CCSER1: variants seen among roughly 807,000 people sequenced by gnomAD.
CCSER1 encodes the protein serine-rich coiled-coil domain-containing protein 1.
A neutral mutation model predicts 82.0 loss-of-function variants in CCSER1; 41 were observed. That is an observed-to-expected ratio of 0.50 (90% CI 0.39 to 0.65). CCSER1 has a LOEUF of 0.65. CCSER1 is among the 30% of genes least tolerant of loss of function. CCSER1 has a pLI of 0.00. For missense variants in CCSER1, 1,119 were observed against 1,064.2 expected (o/e 1.05, Z -0.72); for synonymous variants, 414 against 383.9 (o/e 1.08, Z -0.92).
chr4:91,173,226 A>T (rs1732950796), intron 10 of CCSER1, among the ~76,000 whole-genome samples: 1 of 152,192 alleles, frequency 6.6e-6, no homozygotes, highest in Admixed American at 6.6e-5. Context: ...AATAGAGCAA[A>T]TGTTTGCCCA....
rs908951046 is a variant in CCSER1, at chr4:90,748,316, T to C, written c.2010+24325T>C. Among the ~76,000 whole-genome samples the C allele has an allele frequency of 3.1e-3, 471 of 151,350 alleles. 1 individual carries two copies. The highest frequency in any genetic ancestry group is 0.011 in the African/African-American group (436 of 41,274). ...GTTTTTTGTTCTTGCAATAGTTTAC[T>C]GAGAATGATGATTTCCAGTTTCATC... On this transcript the variant is annotated intron_variant, in intron 7 of 10. Coordinates refer to ENST00000509176, the MANE Select transcript of CCSER1 (RefSeq NM_001145065.2).
intron 5 of CCSER1, among the ~76,000 whole-genome samples, chr4:90,548,916 T>C (rs557722195): frequency 2.0e-5 from 3 of 152,146 alleles, no homozygotes; most frequent in African/African-American, 7.2e-5. Context: ...TTTCTGAGCC[T>C]TGTTCTTAGA....
At chr4:91,566,593 A>G (rs1762893439) in intron 10 of CCSER1, among the ~76,000 whole-genome samples, 1 of 152,028 alleles carries the variant, frequency 6.6e-6, no homozygotes, top group Admixed American at 6.6e-5. Flanking sequence ...TCAGGGAATC[A>G]ATTTCTTCCT....
intron 10 of CCSER1, among the ~76,000 whole-genome samples, chr4:91,484,098 C>T (rs1255558954): frequency 1.4e-5 from 2 of 146,104 alleles, no homozygotes; most frequent in African/African-American, 2.5e-5. Flanking sequence ...AAATAGTATA[C>T]ATGATTCAGT....
At chr4:90,807,217 T>C (rs1358126681) in intron 7 of CCSER1, among the ~76,000 whole-genome samples, 1 of 152,134 alleles carries the variant, frequency 6.6e-6, no homozygotes, top group Non-Finnish European at 1.5e-5. Flanking sequence ...TTATCTTACC[T>C]GCATCCTACT....
chr4:91,460,323 C>T (rs567572317), intron 10 of CCSER1, among the ~76,000 whole-genome samples: 18 of 152,100 alleles, frequency 1.2e-4, no homozygotes, highest in East Asian at 9.7e-4. Flanking sequence ...GTTGGATTTT[C>T]GGCATCCAGC....
chr4:90,666,304 A>G (rs1035526019), intron 6 of CCSER1, among the ~76,000 whole-genome samples: 2 of 152,066 alleles, frequency 1.3e-5, no homozygotes, highest in African/African-American at 2.4e-5. Flanking sequence ...CCTTTTTGCC[A>G]TGTTATGTTA....
chr4:91,367,801 G>A (rs1045012988), intron 10 of CCSER1, among the ~76,000 whole-genome samples: 1 of 151,926 alleles, frequency 6.6e-6, no homozygotes, highest in Non-Finnish European at 1.5e-5. Context: ...CATCCCATCT[G>A]TTTTTTGGTG....
rs1001926267 is a variant in CCSER1 at position 90,403,515 on chromosome 4, A to G, written c.1603+3386A>G. On this transcript the variant is annotated intron_variant, in intron 4 of 10. Transcript: ENST00000509176. Reference sequence around the variant, plus strand: ...CTCCGTCTCAAAAAAAAAAAAAAAAAAAAAAGAAAAAAGACCTCAGATTAT... The same window carrying G: ...CTCCGTCTCAAAAAAAAAAAAAAAAGAAAAAGAAAAAAGACCTCAGATTAT... Among the ~76,000 whole-genome samples, 13 of 150,500 alleles carry G rather than the reference A, an allele frequency of 8.6e-5. No individual in the cohort carries two copies. In the South Asian group the frequency reaches 1.0e-3, roughly 12 times the overall value.
chr4:91,110,113 TATC>T (rs1453089808), intron 10 of CCSER1, among the ~76,000 whole-genome samples: 8 of 152,074 alleles, frequency 5.3e-5, no homozygotes, highest in Non-Finnish European at 1.0e-4. Flanking sequence ...TGCCAAACCA[TATC>T]ATCAGTGTTG....
intron 8 of CCSER1, among the ~76,000 whole-genome samples, chr4:90,918,551 C>T (rs62312316): frequency 0.054 from 7,962 of 148,484 alleles, 309 homozygotes; most frequent in Admixed American, 0.12. Flanking sequence ...TCCTCAGCGG[C>T]GTGTACTTGA....
chr4:90,804,252 G>C (rs1032078858), intron 7 of CCSER1, among the ~76,000 whole-genome samples: 6 of 151,870 alleles, frequency 4.0e-5, no homozygotes, highest in African/African-American at 1.5e-4. Context: ...TTTTTTTGCT[G>C]TTGCTTTTGG....
intron 7 of CCSER1, among the ~76,000 whole-genome samples, chr4:90,814,215 G>A (rs1758715390): frequency 6.6e-6 from 1 of 152,136 alleles, no homozygotes; most frequent in African/African-American, 2.4e-5. Context: ...GGCTGCCATG[G>A]CCCAAGGCTA....
chr4:90,954,037 A>G (rs1046291121), intron 9 of CCSER1, among the ~76,000 whole-genome samples: 1 of 132,306 alleles, frequency 7.6e-6, no homozygotes, highest in African/African-American at 2.7e-5. Context: ...ATGCTTACCA[A>G]TTTGGAAAAT....
At chr4:90,690,117 T>C (rs187245125) in intron 6 of CCSER1, among the ~76,000 whole-genome samples, 6 of 152,190 alleles carry the variant, frequency 3.9e-5, no homozygotes, top group Non-Finnish European at 8.8e-5. Flanking sequence ...AGGAATATGT[T>C]TGGGGCACCA....
rs184641246 is a variant in CCSER1 at position 90,153,703 on chromosome 4, C to A, written c.-42+25872C>A. Among the ~76,000 whole-genome samples the A allele has an allele frequency of 5.4e-3, 826 of 152,288 alleles. 9 individuals are homozygous for A. Among genetic ancestry groups the A allele is most frequent in the African/African-American group, 0.019 (794 of 41,556 alleles). On this transcript the variant is annotated intron_variant, in intron 1 of 10. Coordinates refer to ENST00000509176, the MANE Select transcript of CCSER1 (RefSeq NM_001145065.2). ...TGTCTTCTTTTGAGAAGTGTCTGTT[C>A]ATATCCTTCACCCACTTTTTGATGG...
intron 10 of CCSER1, among the ~76,000 whole-genome samples, chr4:91,489,789 A>AGATAAAAT: frequency 7.3e-6 from 1 of 136,084 alleles, no homozygotes; most frequent in African/African-American, 2.9e-5. Context: ...CTCCATCTTA[A>AGATAAAAT]AATAAAAAAA....
In CCSER1 at chr4:91,488,235, G is replaced by A. The variant is rs187054060; in HGVS notation, c.2218-110337G>A. Among the ~76,000 whole-genome samples the A allele has an allele frequency of 4.4e-3, 671 of 152,046 alleles. 6 individuals are homozygous for A. The highest frequency in any genetic ancestry group is 0.015 in the African/African-American group (630 of 41,482). On this transcript the variant is annotated intron_variant, in intron 10 of 10. Transcript: ENST00000509176. ...TGCCTATTATCAAATAAAATTGTTT[G>A]TATTTTCCACTCTGTTCTTTTTCAT...
intron 10 of CCSER1, among the ~76,000 whole-genome samples, chr4:91,218,386 C>G (rs149045643): frequency 0.016 from 2,430 of 152,262 alleles, 58 homozygotes; most frequent in African/African-American, 0.054. Flanking sequence ...GGAGTGGGCT[C>G]CAGCCTTGGC....
Sources: allele counts gnomAD v4.1 joint callset (sites outside exome capture counted in the v4.1 genomes callset), GRCh38; gene constraint gnomAD v4.1.1; transcripts MANE v1.5; gene names NCBI Gene and HGNC (gene_info 2026-07-23, HGNC 2026-07-21).